ITGA4: variants seen among roughly 807,000 people sequenced by gnomAD.
ITGA4 encodes integrin subunit alpha 4, also known as integrin alpha-4.
ITGA4 carries 63 observed loss-of-function variants against 133.6 expected under a neutral mutation model. The ratio of observed to expected loss-of-function variants is 0.47; its 90% CI spans 0.38 to 0.58. The LOEUF (loss-of-function observed/expected upper bound fraction) is 0.58, where lower values mean the gene tolerates loss of function less well. ITGA4 is among the 20% of genes least tolerant of loss of function. ITGA4 has a pLI of 0.00. For synonymous variants in ITGA4, 483 were observed against 438.0 expected (o/e 1.10, Z -1.28); for missense variants, 1,076 against 1,252.7 (o/e 0.86, Z 2.13).
In ITGA4 at chr2:181,498,746, C is replaced by G; in HGVS notation, c.1664C>G (p.Ala555Gly). The part of the protein sequence containing the change: ...TGSIQVSSRE[A>G]NCRTHQAFMR... ...AGCATACAGGTGTCCAGCAGAGAAG[C>G]TAACTGTAGAACACATCAAGCATTT... is the stretch of plus-strand genomic sequence containing the variant. Residue 555 changes from alanine to glycine, a missense_variant, in exon 15 of 28, where the codon GCT (alanine) becomes GGT (glycine). By Grantham distance (60) the Ala-to-Gly change is moderately conservative (BLOSUM62 0). Around this residue, in one of 4 missense-constraint regions of ITGA4, gnomAD observed 365 missense variants for 421.4 expected, o/e 0.87. Transcript: ENST00000397033. 6.2e-7 allele frequency: 1 copy of G among 1,611,022 alleles called. No individual in the cohort carries two copies. The highest frequency in any genetic ancestry group is 2.2e-5 in the East Asian group (1 of 44,672).
intron 15 of ITGA4, among the ~76,000 whole-genome samples, chr2:181,500,430 A>C (rs1355242007): frequency 6.6e-6 from 1 of 152,150 alleles, no homozygotes; most frequent in Non-Finnish European, 1.5e-5. Flanking sequence ...GCATTAGGAA[A>C]CATTAACACT....
At chr2:181,490,866 A>G (rs1686038149) in intron 10 of ITGA4, among the ~76,000 whole-genome samples, 1 of 152,240 alleles carries the variant, frequency 6.6e-6, no homozygotes, top group African/African-American at 2.4e-5. Context: ...ACATACTAAT[A>G]ATTTTGATTT....
At chr2:181,484,330 G>A (rs1034695477) in intron 9 of ITGA4, among the ~76,000 whole-genome samples, 1 of 152,228 alleles carries the variant, frequency 6.6e-6, no homozygotes, top group East Asian at 1.9e-4. Context: ...GGTTCCTAGC[G>A]AACTCTCAGT....
Position 181,462,498 on chromosome 2 carries a change from AAT to A in ITGA4, c.319+4184_319+4185del, listed in dbSNP as rs1232692337. Among the ~76,000 whole-genome samples the A allele has an allele frequency of 3.3e-5, 5 of 152,318 alleles. No homozygotes were observed. The South Asian group carries it at 1.0e-3, about 32-fold the overall frequency. On this transcript the variant is annotated intron_variant, in intron 2 of 27. Transcript: ENST00000397033. ...CAAATATCTCACTGTTGAAACTTCA[AAT>A]ATGTTTTTCTTGATAACTTTTTACT...
At chr2:181,457,873 C>T in intron 1 of ITGA4, 22 bp downstream of exon 1, 3 of 1,584,764 alleles carry the variant, frequency 1.9e-6, no homozygotes, top group South Asian at 1.1e-5. Flanking sequence ...TGGACTGATG[C>T]GCCCTCAGCA....
Position 181,493,341 on chromosome 2 carries a change from T to G in ITGA4, c.1170T>G (p.Ala390=), listed in dbSNP as rs952583736. The change falls in exon 11 of 28, where the codon GCT becomes GCG. Residue 390 remains alanine, a synonymous_variant. Transcript: ENST00000397033. ...NDGFEDVAIG[A]PQEDDLQGAI... is the part of the protein sequence containing the mutation. ...ATTGGATAGATGTTGCTATCGGAGC[T>G]CCACAAGAAGATGACTTGCAAGGTG... 8 of 1,608,560 alleles carry G rather than the reference T, an allele frequency of 5.0e-6. No individual in the cohort carries two copies. Among genetic ancestry groups the G allele is most frequent in the Non-Finnish European group, 6.8e-6 (8 of 1,176,708 alleles).
intron 10 of ITGA4, among the ~76,000 whole-genome samples, chr2:181,487,855 G>GTT (rs1442354230): frequency 1.3e-5 from 2 of 152,134 alleles, no homozygotes; most frequent in East Asian, 3.9e-4. Context: ...AAGTTTAAGG[G>GTT]TTCTACCTAA....
At chr2:181,531,351 G>GT (rs1240681623) in intron 24 of ITGA4, among the ~76,000 whole-genome samples, 2 of 152,002 alleles carry the variant, frequency 1.3e-5, no homozygotes, top group East Asian at 3.9e-4. Context: ...CAAAGAATAC[G>GT]TAACTTAGCA....
At chr2:181,470,781 G>A (rs1358903647) in intron 2 of ITGA4, among the ~76,000 whole-genome samples, 1 of 152,138 alleles carries the variant, frequency 6.6e-6, no homozygotes, top group East Asian at 1.9e-4. Flanking sequence ...AGGCTGAAGT[G>A]GGAGGATTAC....
intron 10 of ITGA4, among the ~76,000 whole-genome samples, chr2:181,488,679 C>A (rs901884079): frequency 7.2e-5 from 11 of 152,130 alleles, no homozygotes; most frequent in African/African-American, 2.4e-4. Flanking sequence ...CTGCCTCAGC[C>A]TCCCGAGTAG....
rs188873892 is a variant in ITGA4 at position 181,531,687 on chromosome 2, A to T, written c.2695A>T (p.Asn899Tyr). The T allele has an allele frequency of 3.7e-6, 6 of 1,603,470 alleles. No individual in the cohort carries two copies. In the Admixed American group the frequency reaches 1.0e-4, roughly 27 times the overall value. The change falls in exon 25 of 28, where the codon AAT becomes TAT. Residue 899 changes from asparagine (N) to tyrosine (Y), a missense_variant. Coordinates refer to ENST00000397033, the MANE Select transcript of ITGA4 (RefSeq NM_000885.6). ...CATAAAAGCTGATCCACATTGTTTA[A>T]ATTTCTTGTGTAATTTTGGGAAAAT... is the stretch of plus-strand genomic sequence containing the variant. ...YCIKADPHCL[N>Y]FLCNFGKMES...
intron 22 of ITGA4, 22 bp from the exon 23 acceptor site, chr2:181,529,519 A>G: frequency 8.0e-7 from 1 of 1,246,038 alleles, no homozygotes; most frequent in South Asian, 1.2e-5. Flanking sequence ...TAATTTGTTA[A>G]AAAATTTTTC....
At chr2:181,525,344 T>A (rs756645659) in intron 21 of ITGA4, 53 bp downstream of exon 21, 71 of 958,684 alleles carry the variant, frequency 7.4e-5, no homozygotes, top group Non-Finnish European at 1.1e-4. Context: ...TACAGTTTCC[T>A]TGCTTCTTAC....
intron 2 of ITGA4, among the ~76,000 whole-genome samples, chr2:181,469,224 G>C (rs573027443): frequency 2.0e-4 from 30 of 152,182 alleles, no homozygotes; most frequent in African/African-American, 7.2e-4. Context: ...TATTTCAATA[G>C]GTAACTAAAC....
chr2:181,462,320 C>T (rs912996325), intron 2 of ITGA4, among the ~76,000 whole-genome samples: 9 of 152,130 alleles, frequency 5.9e-5, no homozygotes, highest in Admixed American at 5.9e-4. Flanking sequence ...ATTTAGATTT[C>T]TTTCTGGAAA....
At chr2:181,499,256 TG>T (rs918908832) in intron 15 of ITGA4, among the ~76,000 whole-genome samples, 15 of 152,224 alleles carry the variant, frequency 9.9e-5, no homozygotes, top group Non-Finnish European at 1.9e-4. Context: ...GTGATGTCAG[TG>T]GGAACTCACA....
chr2:181,460,335 A>G (rs932805005), intron 2 of ITGA4, among the ~76,000 whole-genome samples: 1 of 152,240 alleles, frequency 6.6e-6, no homozygotes, highest in Non-Finnish European at 1.5e-5. Flanking sequence ...AAGAATACAG[A>G]TATCTTTTAT....
At chr2:181,479,730 A>G (rs1685762510) in intron 5 of ITGA4, 1 of 152,172 alleles carries the variant, frequency 6.6e-6, no homozygotes, top group African/African-American at 2.4e-5. Flanking sequence ...TTCTTTGCAA[A>G]TAGAAGTAAA....
chr2:181,509,837 T>A, intron 16 of ITGA4, 30 bp downstream of exon 16: 1 of 1,521,172 alleles, frequency 6.6e-7, no homozygotes, highest in Non-Finnish European at 9.0e-7. Context: ...TTCAAATTAT[T>A]GTATGGCATT....
Sources: gnomAD v4.1 joint callset for allele counts (sites outside exome capture counted in the v4.1 genomes callset) on GRCh38, gnomAD v4.1.1 for gene constraint, gnomAD v4.1.1 regional missense constraint, MANE v1.5 for transcripts, NCBI Gene and HGNC (gene_info 2026-07-23, HGNC 2026-07-21) for gene names.